The following HMGB1 variants were observed in gnomAD, a reference collection of about 807,000 sequenced individuals.
The protein encoded by HMGB1 is high mobility group protein B1.
For synonymous variants in HMGB1, 81 were observed against 84.0 expected, an observed-to-expected ratio of 0.96 and a Z score of 0.19; for missense variants, 79 against 253.5, an observed-to-expected ratio of 0.31 and a Z score of 4.67.
At chr13:30,521,657 G>T (rs1201831656) in intron 1 of HMGB1, among the ~76,000 whole-genome samples, 1 of 152,150 alleles carries the variant, frequency 6.6e-6, no homozygotes, top group Non-Finnish European at 1.5e-5. Context: ...TGGCTATTAT[G>T]AATAATGCTG....
chr13:30,557,836 T>A (rs1869754526), intron 1 of HMGB1, among the ~76,000 whole-genome samples: 1 of 152,178 alleles, frequency 6.6e-6, no homozygotes, highest in Admixed American at 6.5e-5. Context: ...GAGAAGCGGA[T>A]GTTAAGAAGA....
intron 1 of HMGB1, among the ~76,000 whole-genome samples, chr13:30,483,662 G>A (rs1395610465): frequency 7.1e-6 from 1 of 140,126 alleles, no homozygotes; most frequent in African/African-American, 2.6e-5. Context: ...TCACCAGGCT[G>A]GAGTGCAGTG....
chr13:30,601,125 CT>C (rs1371278008), intron 1 of HMGB1, among the ~76,000 whole-genome samples: 3 of 152,192 alleles, frequency 2.0e-5, no homozygotes, highest in Admixed American at 2.0e-4. Context: ...TTCCCCCACC[CT>C]TAAGAAGGTT....
At chr13:30,526,818 G>C (rs894629441) in intron 1 of HMGB1, among the ~76,000 whole-genome samples, 1 of 152,260 alleles carries the variant, frequency 6.6e-6, no homozygotes, top group Non-Finnish European at 1.5e-5. Context: ...CTGTGAGAGA[G>C]TCTGTGTGTC....
chr13:30,495,638 C>G (rs1309636930), intron 1 of HMGB1, among the ~76,000 whole-genome samples: 1 of 152,062 alleles, frequency 6.6e-6, no homozygotes, highest in East Asian at 1.9e-4. Flanking sequence ...GCCGCCACGC[C>G]TGGCTAATTT....
chr13:30,500,496 A>G (rs1259206684), intron 1 of HMGB1, among the ~76,000 whole-genome samples: 1 of 150,022 alleles, frequency 6.7e-6, no homozygotes, highest in Non-Finnish European at 1.5e-5. Flanking sequence ...CAGCCTCCCA[A>G]ATAGCTGGGA....
intron 1 of HMGB1, among the ~76,000 whole-genome samples, chr13:30,597,363 C>A (rs1593335988): frequency 6.6e-6 from 1 of 152,234 alleles, no homozygotes; most frequent in Admixed American, 6.5e-5. Context: ...TAGGAAGAGT[C>A]ATGGGACAGG....
intron 1 of HMGB1, among the ~76,000 whole-genome samples, chr13:30,593,230 C>A (rs367692039): frequency 3.3e-5 from 5 of 152,138 alleles, no homozygotes; most frequent in East Asian, 3.8e-4. Flanking sequence ...ACAGACCACC[C>A]CCCCGTAGAA....
At chr13:30,583,887 C>T (rs932033677) in intron 1 of HMGB1, among the ~76,000 whole-genome samples, 4 of 149,894 alleles carry the variant, frequency 2.7e-5, no homozygotes, top group Non-Finnish European at 1.5e-5. Flanking sequence ...TTAGTCCTGT[C>T]TTAACTACTT....
chr13:30,555,379 T>C (rs367551444), intron 1 of HMGB1, among the ~76,000 whole-genome samples: 29 of 152,274 alleles, frequency 1.9e-4, no homozygotes, highest in African/African-American at 7.0e-4. Flanking sequence ...CGTAGAAATA[T>C]GTAAAAGAAA....
Position 30,460,865 on chromosome 13 carries a change from A to G in HMGB1, c.*492T>C, listed in dbSNP as rs1886278847. 2.9e-6 allele frequency: 1 copy of G among 342,468 alleles called. No homozygotes were observed. The highest frequency in any genetic ancestry group is 6.5e-5 in the Admixed American group (1 of 15,484). 21.2% of individuals were successfully genotyped at this position (342,468 alleles called of 1,614,324 possible). A position where few individuals can be genotyped will look rare whatever the true frequency, so the allele number is the denominator to read the frequency against. ...GACTAGCTTCCCCTCAAGAAGAAAA[A>G]TTTCAGACCTATGAAAAGGACAACA... On this transcript the variant is annotated 3_prime_UTR_variant, in exon 5 of 5. Transcript: ENST00000341423.
At position 30,459,363 on chromosome 13, in the gene HMGB1, T is replaced by C. The variant is rs1411565569; in HGVS notation, c.*1994A>G. On this transcript the variant is annotated 3_prime_UTR_variant, in exon 5 of 5. Coordinates refer to ENST00000341423, the MANE Select transcript of HMGB1 (RefSeq NM_002128.7). Reference sequence around the variant, plus strand: ...CATTCTCAACATCTTAAAAAAATGGTAGTTGTCATGACGTACCTACTAAAG... The same window carrying C: ...CATTCTCAACATCTTAAAAAAATGGCAGTTGTCATGACGTACCTACTAAAG... The C allele has an allele frequency of 6.6e-6, 1 of 152,130 alleles. No homozygotes were observed. Among genetic ancestry groups the C allele is most frequent in the African/African-American group, 2.4e-5 (1 of 41,416 alleles). 9.4% of individuals were successfully genotyped at this position (152,130 alleles called of 1,614,324 possible).
At chr13:30,516,891 T>A (rs2137469535) in intron 1 of HMGB1, among the ~76,000 whole-genome samples, 1 of 152,306 alleles carries the variant, frequency 6.6e-6, no homozygotes, top group South Asian at 2.1e-4. Context: ...CCCTCCAGCC[T>A]GGGTGACAGA....
intron 1 of HMGB1, among the ~76,000 whole-genome samples, chr13:30,517,172 G>A (rs1888120216): frequency 6.6e-6 from 1 of 152,206 alleles, no homozygotes; most frequent in African/African-American, 2.4e-5. Flanking sequence ...GCTTGGTAAA[G>A]TACAGGTTGC....
intron 1 of HMGB1, among the ~76,000 whole-genome samples, chr13:30,533,116 C>A (rs1888533769): frequency 6.6e-6 from 1 of 152,144 alleles, no homozygotes; most frequent in East Asian, 1.9e-4. Flanking sequence ...ACCATGAGAC[C>A]CAGATTCACA....
intron 1 of HMGB1, among the ~76,000 whole-genome samples, chr13:30,481,153 G>A (rs1254325278): frequency 1.3e-5 from 2 of 151,710 alleles, no homozygotes; most frequent in African/African-American, 4.8e-5. Context: ...AGTACTGTAT[G>A]TTTGTTAAAG....
intron 1 of HMGB1, among the ~76,000 whole-genome samples, chr13:30,562,176 A>T (rs1869984485): frequency 6.6e-6 from 1 of 152,016 alleles, no homozygotes; most frequent in Non-Finnish European, 1.5e-5. Flanking sequence ...AAAAGCCTGT[A>T]ATCCCAGCTA....
chr13:30,488,007 T>G (rs1325446258), intron 1 of HMGB1, among the ~76,000 whole-genome samples: 1 of 152,242 alleles, frequency 6.6e-6, no homozygotes, highest in Non-Finnish European at 1.5e-5. Context: ...TTCAAACAAA[T>G]TCTTTATTGG....
intron 1 of HMGB1, among the ~76,000 whole-genome samples, chr13:30,490,621 G>GAAA (rs35989221): frequency 3.0e-5 from 4 of 135,036 alleles, no homozygotes; most frequent in Non-Finnish European, 6.2e-5. Context: ...TGTCTGAACA[G>GAAA]AAAAAAAAAA....
Sources: allele counts gnomAD v4.1 joint callset (sites outside exome capture counted in the v4.1 genomes callset), GRCh38; gene constraint gnomAD v4.1.1; transcripts MANE v1.5; gene names NCBI Gene and HGNC (gene_info 2026-07-23, HGNC 2026-07-21).